Variants in CAPN13 observed in about 807,000 individuals in gnomAD.
CAPN13 encodes calpain 13, also known as calpain-13.
Under a neutral mutation model 98.4 loss-of-function variants are expected in CAPN13, and 90 were observed. The ratio of observed to expected loss-of-function variants is 0.92; its 90% CI spans 0.77 to 1.09. The LOEUF (loss-of-function observed/expected upper bound fraction) is 1.09. Among genes scored for constraint, CAPN13 ranks in the 50% least tolerant of loss-of-function variants. The pLI is 0.00. For missense variants in CAPN13, 887 were observed against 841.3 expected (o/e 1.05, Z -0.67); for synonymous variants, 330 against 305.5 (o/e 1.08, Z -0.84).
At chr2:30,748,139 G>A (rs1163868006) in intron 11 of CAPN13, among the ~76,000 whole-genome samples, 3 of 152,224 alleles carry the variant, frequency 2.0e-5, no homozygotes, top group African/African-American at 4.8e-5. Context: ...TCAGAAGAAG[G>A]AAGAGTTGGC....
chr2:30,781,673 C>T (rs770266423), intron 2 of CAPN13, among the ~76,000 whole-genome samples: 4 of 152,138 alleles, frequency 2.6e-5, no homozygotes, highest in Non-Finnish European at 5.9e-5. Context: ...TCTCTGGCCT[C>T]CCACTCAGAT....
chr2:30,779,035 G>C (rs1173685153), intron 2 of CAPN13, among the ~76,000 whole-genome samples: 6 of 152,198 alleles, frequency 3.9e-5, no homozygotes, highest in African/African-American at 1.4e-4. Flanking sequence ...ACTGGAAAAG[G>C]GGACTTAGGG....
chr2:30,800,106 GAAAA>G (rs1402896237), intron 1 of CAPN13, among the ~76,000 whole-genome samples: 2 of 94,368 alleles, frequency 2.1e-5, no homozygotes, highest in East Asian at 3.1e-4. Context: ...AAGAAAGAAA[GAAAA>G]GAAAGAAAAG....
At chr2:30,765,044 T>A (rs1310393514) in intron 5 of CAPN13, among the ~76,000 whole-genome samples, 2 of 152,054 alleles carry the variant, frequency 1.3e-5, no homozygotes, top group African/African-American at 4.8e-5. Context: ...CCAAAGCATC[T>A]CTTCCTGCCA....
rs368629727 is a variant in CAPN13 at position 30,787,248 on chromosome 2, A to G, written c.78T>C (p.Asp26=). The G allele has an allele frequency of 6.2e-7, 1 of 1,613,120 alleles. No homozygotes were observed. The highest frequency in any genetic ancestry group is 8.5e-7 in the Non-Finnish European group (1 of 1,179,680). ...ACGTCCGGCCCATGCTCAGGCAGTGATCCCGCAAGGTGGTAAAGTCCTGGT... is the reference window on the plus strand; with the variant it reads ...ACGTCCGGCCCATGCTCAGGCAGTGGTCCCGCAAGGTGGTAAAGTCCTGGT... ...FKDQDFTTLR[D]HCLSMGRTFK... Residue 26 remains aspartate, a synonymous_variant, in exon 2 of 23, where the codon GAT becomes GAC. Coordinates refer to ENST00000295055, the MANE Select transcript of CAPN13 (RefSeq NM_144575.3).
At chr2:30,805,434 AAGT>A (rs1201399304) in intron 1 of CAPN13, among the ~76,000 whole-genome samples, 1 of 152,048 alleles carries the variant, frequency 6.6e-6, no homozygotes, top group African/African-American at 2.4e-5. Context: ...CTTAAGTGCT[AAGT>A]AGCACTTAAG....
intron 20 of CAPN13, among the ~76,000 whole-genome samples, chr2:30,732,215 G>T (rs568630556): frequency 6.6e-6 from 1 of 152,310 alleles, no homozygotes; most frequent in Non-Finnish European, 1.5e-5. Flanking sequence ...TGGTCAGGGT[G>T]ATGAGGAAAA....
At chr2:30,739,156 C>A (rs1671528867) in intron 15 of CAPN13, among the ~76,000 whole-genome samples, 1 of 152,172 alleles carries the variant, frequency 6.6e-6, no homozygotes, top group Non-Finnish European at 1.5e-5. Context: ...CAGGCAGTGT[C>A]TTTGATGACA....
chr2:30,769,244 C>T (rs1485146864), intron 5 of CAPN13, among the ~76,000 whole-genome samples: 2 of 152,016 alleles, frequency 1.3e-5, no homozygotes, highest in Non-Finnish European at 2.9e-5. Context: ...CAGGAATGTC[C>T]CTATTGGGTG....
chr2:30,767,694 A>T (rs551671441), intron 5 of CAPN13, among the ~76,000 whole-genome samples: 2 of 152,348 alleles, frequency 1.3e-5, no homozygotes, highest in East Asian at 3.9e-4. Flanking sequence ...GCTGTTTCTG[A>T]CACTAGAAAT....
At chr2:30,735,765 G>A (rs1572787348) in intron 18 of CAPN13, among the ~76,000 whole-genome samples, 2 of 152,152 alleles carry the variant, frequency 1.3e-5, no homozygotes, top group South Asian at 4.1e-4. Flanking sequence ...TTAGTGACAT[G>A]GCTAGACATT....
intron 18 of CAPN13, 42 bp from the exon 19 acceptor site, chr2:30,734,566 G>A: frequency 6.7e-7 from 1 of 1,502,862 alleles, no homozygotes; most frequent in South Asian, 1.1e-5. Flanking sequence ...TGAAGACTGG[G>A]AAGGTCTGGA....
intron 2 of CAPN13, among the ~76,000 whole-genome samples, chr2:30,784,385 A>G (rs1674150945): frequency 6.6e-6 from 1 of 152,196 alleles, no homozygotes; most frequent in African/African-American, 2.4e-5. Flanking sequence ...CTTTTCCCAA[A>G]TTAATCACAG....
chr2:30,733,189 G>A (rs1671190324), intron 19 of CAPN13, among the ~76,000 whole-genome samples: 1 of 152,136 alleles, frequency 6.6e-6, no homozygotes, highest in African/African-American at 2.4e-5. Flanking sequence ...AGACTTAAGA[G>A]AGCAAGCAGA....
At chr2:30,753,285 T>A in intron 9 of CAPN13, 87 bp from the exon 10 acceptor site, 2 of 1,384,300 alleles carry the variant, frequency 1.4e-6, no homozygotes, top group Non-Finnish European at 2.0e-6. Flanking sequence ...ATAGCCACTG[T>A]CCTGCCCAGA....
chr2:30,739,622 G>A (rs1572794623), intron 15 of CAPN13, among the ~76,000 whole-genome samples: 1 of 152,214 alleles, frequency 6.6e-6, no homozygotes, highest in Non-Finnish European at 1.5e-5. Flanking sequence ...AGGACACCTC[G>A]CTTTGAACAG....
chr2:30,760,651 A>T (rs1003202052), intron 7 of CAPN13, among the ~76,000 whole-genome samples: 1 of 152,246 alleles, frequency 6.6e-6, no homozygotes, highest in Non-Finnish European at 1.5e-5. Context: ...GGGCTGGTTT[A>T]ATCTTAGCAC....
At chr2:30,778,231 G>A (rs950089047) in intron 2 of CAPN13, among the ~76,000 whole-genome samples, 1 of 152,202 alleles carries the variant, frequency 6.6e-6, no homozygotes, top group Admixed American at 6.5e-5. Flanking sequence ...GGTACTCAGT[G>A]CCCGGTCCTT....
chr2:30,787,095 G>A (rs1258366883), intron 2 of CAPN13, 33 bp downstream of exon 2: 8 of 1,502,572 alleles, frequency 5.3e-6, no homozygotes, highest in Non-Finnish European at 6.2e-6. Flanking sequence ...CGAGGACCCT[G>A]GAGCTGGGTA....
Sources: gnomAD v4.1 joint callset for allele counts (sites outside exome capture counted in the v4.1 genomes callset) on GRCh38, gnomAD v4.1.1 for gene constraint, MANE v1.5 for transcripts, NCBI Gene and HGNC (gene_info 2026-07-23, HGNC 2026-07-21) for gene names.